The following SEMA6D variants were observed in gnomAD, a reference collection of about 807,000 sequenced individuals.
SEMA6D encodes semaphorin 6D, also known as semaphorin-6D.
In SEMA6D, 35 loss-of-function variants were observed where a neutral mutation model predicts 106.6. The ratio of observed to expected loss-of-function variants is 0.33; its 90% CI spans 0.25 to 0.44. SEMA6D has a LOEUF of 0.44. SEMA6D is among the 20% of genes least tolerant of loss of function. SEMA6D has a pLI of 1.00. For synonymous variants in SEMA6D, 499 were observed against 487.7 expected (o/e 1.02, Z -0.31); for missense variants, 1,185 against 1,345.9 (o/e 0.88, Z 1.87).
At chr15:47,756,177 C>T (rs190815984) in intron 1 of SEMA6D, among the ~76,000 whole-genome samples, 7 of 152,280 alleles carry the variant, frequency 4.6e-5, no homozygotes, top group Admixed American at 1.3e-4. Flanking sequence ...ATGTTCTTTA[C>T]CCTAAGCTTG....
chr15:47,254,331 G>GTATATATATATATATATA (rs3050479), intron 1 of SEMA6D, among the ~76,000 whole-genome samples: 13 of 139,250 alleles, frequency 9.3e-5, no homozygotes, highest in African/African-American at 3.4e-4. Flanking sequence ...GTGTGTGTGT[G>GTATATATATATATATATA]TATATATATA....
intron 1 of SEMA6D, among the ~76,000 whole-genome samples, chr15:47,268,811 A>G (rs1455469513): frequency 6.6e-6 from 1 of 152,140 alleles, no homozygotes; most frequent in African/African-American, 2.4e-5. Context: ...AAGCCATTTC[A>G]TAACTGAATT....
chr15:47,537,931 G>A (rs1434022513), intron 3 of SEMA6D, among the ~76,000 whole-genome samples: 1 of 152,156 alleles, frequency 6.6e-6, no homozygotes, highest in Non-Finnish European at 1.5e-5. Context: ...TCAATCATAG[G>A]CAGCGATGCA....
intron 1 of SEMA6D, among the ~76,000 whole-genome samples, chr15:47,347,391 T>A (rs1045561944): frequency 6.6e-6 from 1 of 152,206 alleles, no homozygotes; most frequent in Non-Finnish European, 1.5e-5. Context: ...TGAAAGAACA[T>A]AGCCATGTCC....
At chr15:47,191,348 A>G (rs1893947168) in intron 1 of SEMA6D, among the ~76,000 whole-genome samples, 1 of 152,114 alleles carries the variant, frequency 6.6e-6, no homozygotes, top group South Asian at 2.1e-4. Context: ...GAGATAAACT[A>G]AATATTGGAT....
chr15:47,584,114 A>C (rs1432079418), intron 3 of SEMA6D, among the ~76,000 whole-genome samples: 1 of 151,882 alleles, frequency 6.6e-6, no homozygotes, highest in Non-Finnish European at 1.5e-5. Context: ...TGCCCCCCAC[A>C]CTCCCTAACA....
rs746093478 is a variant in SEMA6D, at chr15:47,771,580, G to C, written c.3017G>C (p.Gly1006Ala). The change falls in exon 19 of 19, where the codon GGG (glycine) becomes GCG (alanine). Residue 1006 changes from glycine (G) to alanine (A), a missense_variant. Physicochemically the swap from Gly to Ala is moderately conservative, Grantham distance 60 (BLOSUM62 0). This residue lies in a region of SEMA6D where 750 missense variants were observed against 783.5 expected (regional missense o/e 0.96). Transcript: ENST00000536845. ...NRGGYMPTPT[G>A]AKVDYIQGTP... ...GGAGGATATATGCCCACCCCCACTG[G>C]GGCGAAGGTGGACTATATTCAGGGA... 17 of 1,614,066 alleles carry C rather than the reference G, an allele frequency of 1.1e-5. No homozygotes were observed. Among genetic ancestry groups the C allele is most frequent in the Non-Finnish European group, 1.0e-5 (12 of 1,179,980 alleles).
intron 3 of SEMA6D, among the ~76,000 whole-genome samples, chr15:47,599,903 T>A (rs2143369442): frequency 6.6e-6 from 1 of 152,210 alleles, no homozygotes; most frequent in Non-Finnish European, 1.5e-5. Flanking sequence ...TTTCTTTTTT[T>A]AATGGCAAAA....
intron 1 of SEMA6D, among the ~76,000 whole-genome samples, chr15:47,738,173 C>G (rs903650531): frequency 5.3e-5 from 8 of 152,102 alleles, no homozygotes; most frequent in African/African-American, 1.9e-4. Context: ...CAAATAGGCC[C>G]TGGTGTGTGT....
intron 4 of SEMA6D, among the ~76,000 whole-genome samples, chr15:47,696,675 T>A (rs571128100): frequency 3.9e-5 from 6 of 152,268 alleles, no homozygotes; most frequent in African/African-American, 1.4e-4. Context: ...GGATTGTTAC[T>A]TCAATTTTGT....
At chr15:47,754,959 T>TC (rs2081631586) in intron 1 of SEMA6D, among the ~76,000 whole-genome samples, 1 of 151,452 alleles carries the variant, frequency 6.6e-6, no homozygotes, top group South Asian at 2.1e-4. Flanking sequence ...GTTGATTTTT[T>TC]TTTTTTTTTT....
Position 47,762,226 on chromosome 15 carries a change from G to A in SEMA6D, c.565G>A (p.Ala189Thr), listed in dbSNP as rs747692262. The A allele has an allele frequency of 1.2e-6, 2 of 1,613,598 alleles. No homozygotes were observed. Among genetic ancestry groups the A allele is most frequent in the Non-Finnish European group, 1.7e-6 (2 of 1,179,606 alleles). ...TGGGAAGCTGTATTCTGCCACAGTG[G>A]CTGACTTCTTGGCCAGCGATGCCGT... Reference protein sequence around the residue: ...ADGKLYSATVADFLASDAVIY... With the variant: ...ADGKLYSATVTDFLASDAVIY... The change falls in exon 8 of 19, where the codon GCT becomes ACT. Residue 189 changes from alanine to threonine, a missense_variant. Physicochemically the swap from Ala to Thr is moderately conservative, Grantham distance 58. Transcript: ENST00000536845.
At chr15:47,640,201 C>T (rs2144706786) in intron 4 of SEMA6D, among the ~76,000 whole-genome samples, 1 of 152,214 alleles carries the variant, frequency 6.6e-6, no homozygotes, top group East Asian at 1.9e-4. Context: ...AAATATTGGA[C>T]ACCAGGGATA....
chr15:47,613,868 C>T (rs2076958273), intron 4 of SEMA6D, among the ~76,000 whole-genome samples: 1 of 152,094 alleles, frequency 6.6e-6, no homozygotes, highest in Non-Finnish European at 1.5e-5. Context: ...ACCGTGGTCT[C>T]AATCTCCTGA....
At chr15:47,662,189 G>A (rs1170798478) in intron 4 of SEMA6D, among the ~76,000 whole-genome samples, 1 of 152,138 alleles carries the variant, frequency 6.6e-6, no homozygotes, top group African/African-American at 2.4e-5. Flanking sequence ...ATGTTGGAGC[G>A]GGGTTACTGC....
chr15:47,540,435 G>GA (rs1002665961), intron 3 of SEMA6D, among the ~76,000 whole-genome samples: 76 of 146,198 alleles, frequency 5.2e-4, no homozygotes, highest in South Asian at 1.8e-3. Context: ...AACTTGTACT[G>GA]AAAAAAAAAA....
chr15:47,192,821 A>C (rs1468868918), intron 1 of SEMA6D, among the ~76,000 whole-genome samples: 2 of 152,250 alleles, frequency 1.3e-5, no homozygotes, highest in African/African-American at 2.4e-5. Context: ...GATTCTGGCC[A>C]CACAGAAAAT....
intron 1 of SEMA6D, among the ~76,000 whole-genome samples, chr15:47,725,829 C>T (rs1297279820): frequency 1.3e-5 from 2 of 152,102 alleles, no homozygotes; most frequent in East Asian, 1.9e-4. Flanking sequence ...CCAAGAATTG[C>T]TCCAGGGGTT....
chr15:47,770,539 T>C lies in SEMA6D; in HGVS notation c.1976T>C (p.Val659Ala). The change falls in exon 19 of 19, where the codon GTC becomes GCC. Residue 659 changes from valine to alanine, a missense_variant. Val to Ala is a moderately conservative substitution (Grantham distance 64). Around this residue, in one of 3 missense-constraint regions of SEMA6D, gnomAD observed 750 missense variants for 783.5 expected, o/e 0.96. Transcript: ENST00000536845. The part of the protein sequence containing the change: ...EVQSGESNQM[V>A]HMNVLITCVF... Reference sequence around the variant, plus strand: ...CAGTCTGGAGAGTCCAACCAGATGGTCCACATGAATGTCCTCATCACCTGT... The same window carrying C: ...CAGTCTGGAGAGTCCAACCAGATGGCCCACATGAATGTCCTCATCACCTGT... 1 of 1,611,194 alleles carries C rather than the reference T, an allele frequency of 6.2e-7. No individual in the cohort carries two copies. The highest frequency in any genetic ancestry group is 1.1e-5 in the South Asian group (1 of 90,888).
Sources: allele counts gnomAD v4.1 joint callset (sites outside exome capture counted in the v4.1 genomes callset), GRCh38; gene constraint gnomAD v4.1.1; regional missense constraint gnomAD v4.1.1; transcripts MANE v1.5; gene names NCBI Gene and HGNC (gene_info 2026-07-23, HGNC 2026-07-21).